The following C8orf89 variants were observed in gnomAD, a reference collection of about 807,000 sequenced individuals.
C8orf89 encodes putative uncharacterized protein C8orf89.
A neutral mutation model predicts 15.8 loss-of-function variants in C8orf89; 14 were observed. The observed-to-expected ratio is 0.89, with a 90% CI of 0.59 to 1.39. The LOEUF is 1.39. Ranked by LOEUF, C8orf89 falls within the 40% of genes most tolerant of loss-of-function variation. The pLI is 0.00. For missense variants in C8orf89, 181 were observed against 184.5 expected, an observed-to-expected ratio of 0.98 and a Z score of 0.11; for synonymous variants, 55 against 62.2, an observed-to-expected ratio of 0.88 and a Z score of 0.54.
chr8:73,257,261 C>A (rs928012406), intron 1 of C8orf89, 135 bp from the exon 2 acceptor site: 2 of 589,924 alleles, frequency 3.4e-6, no homozygotes, highest in African/African-American at 3.8e-5. Flanking sequence ...TAGCATCTTT[C>A]CCAAGAGAAT....
chr8:73,278,894 T>C, the C8orf89 span, among the ~76,000 whole-genome samples: 2 of 152,214 alleles, frequency 1.3e-5, no homozygotes, highest in Non-Finnish European at 2.9e-5. Flanking sequence ...ACTGAGAGTC[T>C]CAACCCAAGC....
chr8:73,241,966 C>T lies in C8orf89; in HGVS notation c.338-361G>A, dbSNP rs565133251. 1.0e-3 allele frequency among the ~76,000 whole-genome samples: 152 copies of T among 151,780 alleles called. 2 individuals are homozygous for T. The highest frequency in any genetic ancestry group is 3.4e-4 in the Non-Finnish European group (23 of 67,968). The stretch of plus-strand genomic sequence containing the variant: ...ATTATGCAGAAAAATGAAACCAGAT[C>T]GCATCTCTCGACATATAAAAAAAAA... On this transcript the variant is annotated intron_variant, in intron 3 of 3. Coordinates refer to ENST00000624510, the MANE Select transcript of C8orf89 (RefSeq NM_001243237.3).
intron 3 of C8orf89, among the ~76,000 whole-genome samples, chr8:73,249,155 C>G (rs926585283): frequency 4.6e-5 from 7 of 152,118 alleles, no homozygotes; most frequent in Non-Finnish European, 1.5e-5. Context: ...TATCAAAAGT[C>G]TTTTCTGCAT....
intron 2 of C8orf89, among the ~76,000 whole-genome samples, chr8:73,251,319 G>T (rs1450076077): frequency 6.6e-6 from 1 of 152,200 alleles, no homozygotes; most frequent in Non-Finnish European, 1.5e-5. Context: ...GAACAAAAAT[G>T]AGTACTTCTC....
the C8orf89 span, among the ~76,000 whole-genome samples, chr8:73,285,331 C>T: frequency 6.6e-6 from 1 of 152,172 alleles, no homozygotes; most frequent in East Asian, 1.9e-4. Flanking sequence ...ATCCGGCAGG[C>T]GGACCCGCTT....
the C8orf89 span, among the ~76,000 whole-genome samples, chr8:73,285,426 TGCATCTAGA>T: frequency 6.6e-6 from 1 of 152,208 alleles, no homozygotes; most frequent in African/African-American, 2.4e-5. Flanking sequence ...CATCATAAAG[TGCATCTAGA>T]GCATCCTCGG....
At chr8:73,263,725 C>T (rs1813570095), upstream of C8orf89, among the ~76,000 whole-genome samples, 1 of 152,092 alleles carries the variant, frequency 6.6e-6, no homozygotes, top group Non-Finnish European at 1.5e-5. Context: ...TCCCTGCTCT[C>T]CTGAAGCTTA....
the C8orf89 span, among the ~76,000 whole-genome samples, chr8:73,278,931 C>A: frequency 6.6e-6 from 1 of 151,836 alleles, no homozygotes; most frequent in Non-Finnish European, 1.5e-5. Context: ...CTCTTTTTTT[C>A]TTTTTTTCCC....
At chr8:73,274,464 T>A in the C8orf89 span, among the ~76,000 whole-genome samples, 1 of 152,154 alleles carries the variant, frequency 6.6e-6, no homozygotes, top group Non-Finnish European at 1.5e-5. Context: ...TCATCTTTTT[T>A]AGGTTATCTT....
chr8:73,264,508 G>A (rs1390872632), upstream of C8orf89, among the ~76,000 whole-genome samples: 1 of 152,090 alleles, frequency 6.6e-6, no homozygotes, highest in East Asian at 1.9e-4. Context: ...CTCTTTTTTT[G>A]AGAAGGAGTT....
chr8:73,258,644 T>C (rs1393420824), intron 1 of C8orf89, among the ~76,000 whole-genome samples: 1 of 151,466 alleles, frequency 6.6e-6, no homozygotes, highest in Non-Finnish European at 1.5e-5. Context: ...TTTTTTTTTT[T>C]TTGAGACAAG....
chr8:73,273,314 T>C, the C8orf89 span, among the ~76,000 whole-genome samples: 2 of 152,216 alleles, frequency 1.3e-5, no homozygotes, highest in Non-Finnish European at 2.9e-5. Context: ...CTTGCCTCTG[T>C]AGGCTTCAAA....
chr8:73,242,512 A>G (rs1388401580), intron 3 of C8orf89, among the ~76,000 whole-genome samples: 1 of 152,178 alleles, frequency 6.6e-6, no homozygotes, highest in African/African-American at 2.4e-5. Context: ...CTGAATAGAC[A>G]TTTCTGAAAA....
the C8orf89 span, among the ~76,000 whole-genome samples, chr8:73,268,350 G>A: frequency 1.1e-4 from 16 of 151,964 alleles, no homozygotes; most frequent in African/African-American, 3.6e-4. Flanking sequence ...GTGGTGGCAC[G>A]CACCTGTAAT....
chr8:73,261,426 GA>G (rs1004955202), upstream of C8orf89, among the ~76,000 whole-genome samples: 1 of 151,932 alleles, frequency 6.6e-6, no homozygotes, highest in African/African-American at 2.4e-5. Flanking sequence ...GGGCAAAGGG[GA>G]GAAGAGAAAG....
At position 73,241,370 on chromosome 8, in the gene C8orf89, A is replaced by G. The variant is rs923274576; in HGVS notation, c.*87T>C. ...TATTTATTTACATTTCCATTTTTAT[A>G]TAAATCATTTTGCATCATATCATAT... On this transcript the variant is annotated 3_prime_UTR_variant, in exon 4 of 4. Coordinates refer to ENST00000624510, the MANE Select transcript of C8orf89 (RefSeq NM_001243237.3). The G allele has an allele frequency of 1.8e-5, 19 of 1,062,436 alleles. No homozygotes were observed. Among genetic ancestry groups the G allele is most frequent in the East Asian group, 1.1e-4 (4 of 35,252 alleles). The allele number at this position is 1,062,436 out of a possible 1,614,324, so 65.8% of individuals were successfully genotyped here. A position where few individuals can be genotyped will look rare whatever the true frequency, so the allele number is the denominator to read the frequency against.
At chr8:73,246,215 T>A (rs536282719) in intron 3 of C8orf89, among the ~76,000 whole-genome samples, 1 of 152,196 alleles carries the variant, frequency 6.6e-6, no homozygotes, top group Admixed American at 6.5e-5. Flanking sequence ...TAAGTAATAA[T>A]AAGTATTTAC....
the C8orf89 span, among the ~76,000 whole-genome samples, chr8:73,284,405 G>C: frequency 6.6e-6 from 1 of 151,698 alleles, no homozygotes; most frequent in Non-Finnish European, 1.5e-5. Context: ...GTGGAGACGG[G>C]GTTTCACCAT....
At chr8:73,251,997 C>T (rs2130265645) in intron 2 of C8orf89, among the ~76,000 whole-genome samples, 1 of 152,238 alleles carries the variant, frequency 6.6e-6, no homozygotes, top group East Asian at 1.9e-4. Context: ...ATGTTTCAAA[C>T]GGTCCCTCTT....
Sources: gnomAD v4.1 joint callset for allele counts (sites outside exome capture counted in the v4.1 genomes callset) on GRCh38, gnomAD v4.1.1 for gene constraint, MANE v1.5 for transcripts, NCBI Gene and HGNC (gene_info 2026-07-23, HGNC 2026-07-21) for gene names.